Variants in WWP1 observed in about 807,000 individuals in gnomAD.
WWP1 encodes the protein WW domain containing E3 ubiquitin protein ligase 1.
In WWP1, 49 loss-of-function variants were observed where a neutral mutation model predicts 130.6. That is an observed-to-expected ratio of 0.38 (90% confidence interval 0.30 to 0.48). WWP1 has a LOEUF of 0.48. Among genes scored for constraint, WWP1 ranks in the 20% least tolerant of loss-of-function variants. The pLI is 0.99. For synonymous variants in WWP1, 332 were observed against 367.8 expected (o/e 0.90, Z 1.11); for missense variants, 809 against 1,100.6 (o/e 0.74, Z 3.75).
intron 9 of WWP1, among the ~76,000 whole-genome samples, chr8:86,419,204 G>A (rs1809058703): frequency 6.6e-6 from 1 of 152,196 alleles, no homozygotes; most frequent in African/African-American, 2.4e-5. Flanking sequence ...CAGATCACTT[G>A]GTCAGGAGTT....
Position 86,461,226 on chromosome 8 carries a change from T to G in WWP1, c.2502T>G (p.Phe834Leu). 1 of 1,613,288 alleles carries G rather than the reference T, an allele frequency of 6.2e-7. No individual in the cohort carries two copies. Among genetic ancestry groups the G allele is most frequent in the Non-Finnish European group, 8.5e-7 (1 of 1,179,328 alleles). The change falls in exon 23 of 25, where the codon TTT becomes TTG. Residue 834 changes from phenylalanine (F) to leucine (L), a missense_variant and splice_region_variant. Coordinates refer to ENST00000517970, the MANE Select transcript of WWP1 (RefSeq NM_007013.4). ...NSKQIIWFWQ[F>L]VKETDNEVRM... Reference sequence around the variant, plus strand: ...AAGTACATTTAATTTCATTACAGTTTGTGAAAGAGACAGACAATGAAGTAA... The same window carrying G: ...AAGTACATTTAATTTCATTACAGTTGGTGAAAGAGACAGACAATGAAGTAA...
intron 1 of WWP1, among the ~76,000 whole-genome samples, chr8:86,362,185 T>TATATATATATAC (rs1823701657): frequency 7.6e-6 from 1 of 131,232 alleles, no homozygotes; most frequent in Admixed American, 7.7e-5. Flanking sequence ...TATATATATA[T>TATATATATATAC]ATATATATAT....
chr8:86,441,451 G>C (rs1810587206), intron 17 of WWP1, among the ~76,000 whole-genome samples: 1 of 152,206 alleles, frequency 6.6e-6, no homozygotes, highest in Admixed American at 6.5e-5. Flanking sequence ...AGGCTGCCAG[G>C]CCAGATGTAG....
At chr8:86,426,048 T>G (rs1210518485) in intron 10 of WWP1, among the ~76,000 whole-genome samples, 1 of 152,238 alleles carries the variant, frequency 6.6e-6, no homozygotes, top group Non-Finnish European at 1.5e-5. Flanking sequence ...TCTAGAAAAT[T>G]CAAGGCAGAG....
At chr8:86,397,202 G>A (rs546399954) in intron 5 of WWP1, among the ~76,000 whole-genome samples, 1 of 152,286 alleles carries the variant, frequency 6.6e-6, no homozygotes, top group African/African-American at 2.4e-5. Context: ...CATCAAAAAC[G>A]TGAAATGTTC....
At chr8:86,389,884 C>T (rs1242489901) in intron 5 of WWP1, among the ~76,000 whole-genome samples, 1 of 151,664 alleles carries the variant, frequency 6.6e-6, no homozygotes, top group Non-Finnish European at 1.5e-5. Flanking sequence ...GGGGGCTGCC[C>T]CCCACCTCCT....
At chr8:86,454,179 A>G (rs942574382) in intron 21 of WWP1, among the ~76,000 whole-genome samples, 1 of 152,172 alleles carries the variant, frequency 6.6e-6, no homozygotes, top group Admixed American at 6.6e-5. Context: ...TAGTATTTGC[A>G]TATAACCTAC....
intron 5 of WWP1, among the ~76,000 whole-genome samples, chr8:86,391,098 A>C (rs1021417157): frequency 6.6e-6 from 1 of 152,174 alleles, no homozygotes; most frequent in Non-Finnish European, 1.5e-5. Context: ...TAAACCCCCC[A>C]GACTCTCCTA....
intron 8 of WWP1, 127 bp from the exon 9 acceptor site, chr8:86,411,411 G>T: frequency 2.9e-6 from 2 of 699,314 alleles, no homozygotes; most frequent in Non-Finnish European, 4.6e-6. Flanking sequence ...TACTTTGTCT[G>T]CTGTTTGGAG....
intron 21 of WWP1, among the ~76,000 whole-genome samples, chr8:86,456,567 A>C (rs1247039911): frequency 6.6e-6 from 1 of 151,974 alleles, no homozygotes; most frequent in Non-Finnish European, 1.5e-5. Flanking sequence ...TTAAATGTAC[A>C]TCTACCTTAT....
At position 86,381,538 on chromosome 8, in the gene WWP1, A is replaced by G. The variant is rs148496362; in HGVS notation, c.243A>G (p.Gln81=). Residue 81 remains glutamine (Q), a synonymous_variant, in exon 5 of 25, where the codon CAA becomes CAG. Transcript: ENST00000517970. The stretch of plus-strand genomic sequence containing the variant: ...CGCCACAGACTACATTGGAATTTCA[A>G]GTTTGGAGCCATCGCACTTTAAAAG... ...NVTPQTTLEF[Q]VWSHRTLKAD... 6.2e-6 allele frequency: 10 copies of G among 1,609,792 alleles called. No individual in the cohort carries two copies. Among genetic ancestry groups the G allele is most frequent in the African/African-American group, 2.7e-5 (2 of 74,742 alleles).
chr8:86,344,357 G>T (rs10089317), intron 1 of WWP1, among the ~76,000 whole-genome samples: 2 of 152,082 alleles, frequency 1.3e-5, no homozygotes, highest in African/African-American at 4.8e-5. Flanking sequence ...ACAGGATGTC[G>T]CAGATAAAGT....
chr8:86,368,550 T>C (rs117621311), intron 1 of WWP1, among the ~76,000 whole-genome samples: 1,866 of 152,282 alleles, frequency 0.012, 116 homozygotes, highest in Admixed American at 0.1. Context: ...CCAAAGTTAT[T>C]TTTCCAAAAT....
intron 18 of WWP1, among the ~76,000 whole-genome samples, chr8:86,446,732 A>G (rs1810902825): frequency 6.6e-6 from 1 of 152,210 alleles, no homozygotes; most frequent in South Asian, 2.1e-4. Context: ...GGTGGAGACA[A>G]ACATCTAAAC....
chr8:86,465,381 G>A (rs899083873), intron 24 of WWP1, among the ~76,000 whole-genome samples: 4 of 152,104 alleles, frequency 2.6e-5, no homozygotes, highest in Non-Finnish European at 5.9e-5. Flanking sequence ...AGATGATGGG[G>A]AAGCATATAC....
intron 3 of WWP1, among the ~76,000 whole-genome samples, chr8:86,374,597 T>G (rs1008440196): frequency 9.9e-5 from 15 of 152,214 alleles, no homozygotes; most frequent in African/African-American, 2.2e-4. Flanking sequence ...AAAAAATATT[T>G]TAACATCCTG....
In WWP1 at chr8:86,372,017, ATTTTTTTTTTTTT is replaced by A. The variant is rs34458424; in HGVS notation, c.-21-2001_-21-1989del. Among the ~76,000 whole-genome samples the A allele has an allele frequency of 1.3e-4, 9 of 70,200 alleles. No homozygotes were observed. The East Asian group carries it at 2.1e-3, about 17-fold the overall frequency. The allele number at this position is 70,200 out of a possible 152,430, so 46.1% of individuals were successfully genotyped here. A position where few individuals can be genotyped will look rare whatever the true frequency, so the allele number is the denominator to read the frequency against. On this transcript the variant is annotated intron_variant, in intron 2 of 24. Transcript: ENST00000517970. ...ACCACCACGCCTGGCTAATTTTTGT[ATTTTTTTTTTTTT>A]TTTTTTTTTTTGAGACGGAGTTTCG...
At chr8:86,449,111 G>C (rs1175275871) in intron 20 of WWP1, among the ~76,000 whole-genome samples, 2 of 151,976 alleles carry the variant, frequency 1.3e-5, no homozygotes, top group Non-Finnish European at 2.9e-5. Context: ...AAAATGCTGG[G>C]ATAACAGGGT....
chr8:86,403,423 G>GT (rs1808108336), intron 8 of WWP1, among the ~76,000 whole-genome samples: 1 of 152,118 alleles, frequency 6.6e-6, no homozygotes, highest in Non-Finnish European at 1.5e-5. Flanking sequence ...AGCCTCCTGA[G>GT]TAGCTGGGAT....
Sources: gnomAD v4.1 joint callset for allele counts (sites outside exome capture counted in the v4.1 genomes callset) on GRCh38, gnomAD v4.1.1 for gene constraint, MANE v1.5 for transcripts, NCBI Gene and HGNC (gene_info 2026-07-23, HGNC 2026-07-21) for gene names.